Variants in MARCHF1 observed in about 807,000 individuals in gnomAD.
MARCHF1 encodes the protein membrane associated ring-CH-type finger 1.
A neutral mutation model predicts 54.2 loss-of-function variants in MARCHF1; 40 were observed. That is an observed-to-expected ratio of 0.74 (90% CI 0.57 to 0.96). MARCHF1 has a LOEUF of 0.96. MARCHF1 is among the 40% of genes least tolerant of loss of function. The pLI is 0.00. For missense variants in MARCHF1, 586 were observed against 656.5 expected, an observed-to-expected ratio of 0.89 and a Z score of 1.17; for synonymous variants, 236 against 236.3, an observed-to-expected ratio of 1.00 and a Z score of 0.01.
chr4:163,858,316 C>T (rs1425303232), intron 3 of MARCHF1, among the ~76,000 whole-genome samples: 2 of 152,086 alleles, frequency 1.3e-5, no homozygotes, highest in Non-Finnish European at 2.9e-5. Flanking sequence ...GATTTGTTTG[C>T]CACAGGAAAA....
chr4:164,251,105 G>A (rs1166380699), intron 1 of MARCHF1, among the ~76,000 whole-genome samples: 1 of 152,068 alleles, frequency 6.6e-6, no homozygotes, highest in Non-Finnish European at 1.5e-5. Flanking sequence ...CAATGTGCTA[G>A]CCATTATGTA....
At chr4:164,296,647 G>T (rs555721202) in intron 1 of MARCHF1, among the ~76,000 whole-genome samples, 16 of 152,236 alleles carry the variant, frequency 1.1e-4, no homozygotes, top group African/African-American at 3.4e-4. Flanking sequence ...TGGGATTACA[G>T]GCATGAGCCA....
intron 1 of MARCHF1, among the ~76,000 whole-genome samples, chr4:164,227,716 T>A (rs1732298902): frequency 6.6e-6 from 1 of 152,124 alleles, no homozygotes; most frequent in Admixed American, 6.6e-5. Flanking sequence ...CTCAATGTTG[T>A]TAATTTAAAA....
intron 3 of MARCHF1, among the ~76,000 whole-genome samples, chr4:163,880,018 T>C (rs12510646): frequency 0.19 from 29,066 of 152,036 alleles, 3,092 homozygotes; most frequent in South Asian, 0.32. Flanking sequence ...AGTTTTGCTA[T>C]ATTCACAAAT....
At chr4:164,231,618 C>T (rs895564097) in intron 1 of MARCHF1, among the ~76,000 whole-genome samples, 3 of 152,076 alleles carry the variant, frequency 2.0e-5, no homozygotes, top group Non-Finnish European at 4.4e-5. Flanking sequence ...TGAGTATAGA[C>T]ATTTTGATAC....
chr4:164,113,077 C>T lies in MARCHF1; in HGVS notation c.-322-1415G>A, dbSNP rs147570955. Among the ~76,000 whole-genome samples, 459 of 151,830 alleles carry T rather than the reference C, an allele frequency of 3.0e-3. 5 individuals carry two copies. The highest frequency in any genetic ancestry group is 0.011 in the African/African-American group (435 of 41,390). Reference sequence around the variant, plus strand: ...CACTGTCTTCCAGCTTTAACTGTGGCTACCTGCAGTTTTGCTTATTTAAGT... The same window carrying T: ...CACTGTCTTCCAGCTTTAACTGTGGTTACCTGCAGTTTTGCTTATTTAAGT... On this transcript the variant is annotated intron_variant, in intron 1 of 9. Coordinates refer to ENST00000514618, the MANE Select transcript of MARCHF1 (RefSeq NM_001394959.1).
intron 1 of MARCHF1, among the ~76,000 whole-genome samples, chr4:164,279,248 G>A (rs1733961971): frequency 6.6e-6 from 1 of 151,224 alleles, no homozygotes; most frequent in African/African-American, 2.4e-5. Flanking sequence ...TTATAGAAAG[G>A]AAACAAAATA....
chr4:164,259,520 G>A (rs1490936674), intron 1 of MARCHF1, among the ~76,000 whole-genome samples: 2 of 140,726 alleles, frequency 1.4e-5, no homozygotes, highest in African/African-American at 2.8e-5. Flanking sequence ...ACTCCAGTGT[G>A]GGCAACAAAG....
chr4:163,925,002 T>C (rs1751507768), intron 3 of MARCHF1, among the ~76,000 whole-genome samples: 1 of 151,786 alleles, frequency 6.6e-6, no homozygotes, highest in Admixed American at 6.6e-5. Flanking sequence ...GCAGAACCTG[T>C]AGTTTAAAAT....
chr4:163,752,973 T>C (rs1341269026), intron 4 of MARCHF1, among the ~76,000 whole-genome samples: 1 of 152,174 alleles, frequency 6.6e-6, no homozygotes, highest in Admixed American at 6.5e-5. Context: ...GCACACTTAA[T>C]GGCAATTTTC....
intron 4 of MARCHF1, among the ~76,000 whole-genome samples, chr4:163,724,312 G>C (rs193139534): frequency 6.6e-6 from 1 of 152,230 alleles, no homozygotes; most frequent in Non-Finnish European, 1.5e-5. Flanking sequence ...AAGCAGCAGA[G>C]GCTGCAGAAC....
At chr4:164,284,285 C>A (rs1283055477) in intron 1 of MARCHF1, among the ~76,000 whole-genome samples, 1 of 149,190 alleles carries the variant, frequency 6.7e-6, no homozygotes, top group Non-Finnish European at 1.5e-5. Flanking sequence ...GGAGGCTCAA[C>A]TTGTTTTTAA....
chr4:164,336,800 T>C (rs1214740304), intron 1 of MARCHF1, among the ~76,000 whole-genome samples: 3 of 152,134 alleles, frequency 2.0e-5, no homozygotes, highest in Non-Finnish European at 4.4e-5. Context: ...GAAGCACCAA[T>C]AGGGCTGGCA....
chr4:164,012,968 T>C (rs1416762871), intron 2 of MARCHF1, among the ~76,000 whole-genome samples: 2 of 152,064 alleles, frequency 1.3e-5, no homozygotes, highest in Non-Finnish European at 2.9e-5. Context: ...AATATATAAG[T>C]CTTCCATGCC....
intron 1 of MARCHF1, among the ~76,000 whole-genome samples, chr4:164,231,365 T>C (rs951625586): frequency 5.9e-5 from 9 of 152,192 alleles, no homozygotes; most frequent in African/African-American, 2.2e-4. Context: ...AATTTATTTT[T>C]TTATGGCATG....
At chr4:163,808,832 G>T (rs1748302250) in intron 4 of MARCHF1, among the ~76,000 whole-genome samples, 1 of 152,298 alleles carries the variant, frequency 6.6e-6, no homozygotes, top group East Asian at 1.9e-4. Context: ...GCCTCCCAAA[G>T]TGCCGGGATT....
At chr4:164,323,958 G>A (rs773525818) in intron 1 of MARCHF1, among the ~76,000 whole-genome samples, 8 of 151,596 alleles carry the variant, frequency 5.3e-5, no homozygotes, top group Non-Finnish European at 1.2e-4. Flanking sequence ...AAAAGGACAT[G>A]GAAAATTCTT....
chr4:163,889,200 G>A (rs1018077633), intron 3 of MARCHF1, among the ~76,000 whole-genome samples: 1 of 152,152 alleles, frequency 6.6e-6, no homozygotes, highest in African/African-American at 2.4e-5. Context: ...TATTTACAGA[G>A]TCCTCACTAT....
intron 2 of MARCHF1, among the ~76,000 whole-genome samples, chr4:164,059,944 T>C (rs915532655): frequency 2.6e-5 from 4 of 152,178 alleles, no homozygotes; most frequent in Admixed American, 2.6e-4. Flanking sequence ...ATTTGATTCT[T>C]AGGCCTGCCG....
Sources: gnomAD v4.1 joint callset for allele counts (sites outside exome capture counted in the v4.1 genomes callset) on GRCh38, gnomAD v4.1.1 for gene constraint, MANE v1.5 for transcripts, NCBI Gene and HGNC (gene_info 2026-07-23, HGNC 2026-07-21) for gene names.